BCAS4: variants seen among roughly 807,000 people sequenced by gnomAD.
The protein encoded by BCAS4 is breast carcinoma amplified sequence 4, also known as breast carcinoma-amplified sequence 4.
BCAS4 carries 9 observed loss-of-function variants against 15.7 expected under a neutral mutation model. That is an observed-to-expected ratio of 0.57 (90% CI 0.34 to 1.00). The LOEUF (loss-of-function observed/expected upper bound fraction) is 1.00. BCAS4 is among the 50% of genes least tolerant of loss of function. The probability of loss-of-function intolerance (pLI) is 0.02; values close to 1 mark genes in which losing one functional copy is unlikely to be tolerated. For missense variants in BCAS4, 225 were observed against 239.1 expected (o/e 0.94, Z 0.39); for synonymous variants, 101 against 99.5 (o/e 1.02, Z -0.09).
At chr20:50,852,366 T>TTGTGTGTG (rs34560943) in intron 4 of BCAS4, among the ~76,000 whole-genome samples, 7 of 150,114 alleles carry the variant, frequency 4.7e-5, no homozygotes, top group South Asian at 2.1e-4. Flanking sequence ...TTTTGTGGCT[T>TTGTGTGTG]TGTGTGTGTG....
chr20:50,859,935 T>A (rs1224050150), intron 4 of BCAS4, among the ~76,000 whole-genome samples: 1 of 152,056 alleles, frequency 6.6e-6, no homozygotes, highest in African/African-American at 2.4e-5. Flanking sequence ...AACCCAGGAT[T>A]TCGAGACCAG....
At chr20:50,802,123 G>A (rs1257154802) in intron 1 of BCAS4, among the ~76,000 whole-genome samples, 2 of 152,070 alleles carry the variant, frequency 1.3e-5, no homozygotes, top group African/African-American at 4.8e-5. Context: ...TCGCTTGAGT[G>A]CAGAAGTTTG....
chr20:50,821,637 C>A (rs982453908), intron 2 of BCAS4, among the ~76,000 whole-genome samples: 2 of 152,212 alleles, frequency 1.3e-5, no homozygotes, highest in Admixed American at 1.3e-4. Flanking sequence ...AGGTCCCTGC[C>A]TCGGTCTTCA....
intron 1 of BCAS4, among the ~76,000 whole-genome samples, chr20:50,805,596 T>A (rs2087979436): frequency 2.0e-5 from 3 of 152,156 alleles, no homozygotes; most frequent in Admixed American, 2.0e-4. Flanking sequence ...CCCTGTTGTC[T>A]CCCTGACCTG....
chr20:50,822,745 C>T (rs1031380711), intron 2 of BCAS4, among the ~76,000 whole-genome samples: 7 of 151,558 alleles, frequency 4.6e-5, no homozygotes, highest in African/African-American at 9.7e-5. Context: ...AAGCGATTCT[C>T]GTGCCCCAGC....
In BCAS4 at chr20:50,795,129, G is replaced by A; in HGVS notation, c.46G>A (p.Ala16Thr). ...TCAGCCGGAGCCCATGCGCAGCGGG[G>A]CGCGCGAGCTCGCGCTCTTCCTGAC... ...ADQPEPMRSGARELALFLTPE... is the reference protein window; with the variant it reads ...ADQPEPMRSGTRELALFLTPE... Residue 16 changes from alanine (A) to threonine (T), a missense_variant, in exon 1 of 5, where the codon GCG becomes ACG. Ala to Thr is a moderately conservative substitution (Grantham distance 58). Transcript: ENST00000371608. 1 of 1,483,500 alleles carries A rather than the reference G, an allele frequency of 6.7e-7. No homozygotes were observed. 91.9% of individuals were successfully genotyped at this position (1,483,500 alleles called of 1,614,324 possible).
intron 3 of BCAS4, among the ~76,000 whole-genome samples, chr20:50,835,117 C>T (rs549293029): frequency 8.5e-5 from 13 of 152,102 alleles, no homozygotes; most frequent in South Asian, 6.2e-4. Context: ...TATGGAAACT[C>T]GTTTTAGGAA....
intron 1 of BCAS4, among the ~76,000 whole-genome samples, chr20:50,800,723 G>A (rs112867105): frequency 0.14 from 20,938 of 151,842 alleles, 1,536 homozygotes; most frequent in South Asian, 0.16. Flanking sequence ...TACCACGCCC[G>A]GCTAATTTTT....
chr20:50,861,717 G>A (rs1291222766), intron 4 of BCAS4, among the ~76,000 whole-genome samples: 3 of 151,920 alleles, frequency 2.0e-5, no homozygotes, highest in Non-Finnish European at 4.4e-5. Context: ...CCTTTCCCCA[G>A]CCTGGCCGCT....
rs1335926784 is a variant in BCAS4, at chr20:50,851,123, C to A, written c.399+9223C>A. On this transcript the variant is annotated intron_variant, in intron 4 of 4. Transcript: ENST00000371608. The surrounding 1 kb of genome is among the most constrained non-coding windows in gnomAD (Gnocchi z 4.3). The stretch of plus-strand genomic sequence containing the variant: ...CAGAATCCCCCTGCAGGAGGTGACT[C>A]GGGGAGGGAGCCCGACAGCTCAGCT... Among the ~76,000 whole-genome samples the A allele has an allele frequency of 6.0e-3, 1 of 166 alleles. No individual in the cohort carries two copies. The highest frequency in any genetic ancestry group is 0.056 in the Admixed American group (1 of 18). 0.1% of individuals were successfully genotyped at this position (166 alleles called of 152,430 possible).
intron 2 of BCAS4, among the ~76,000 whole-genome samples, chr20:50,818,538 G>A (rs761136401): frequency 6.6e-6 from 1 of 152,122 alleles, no homozygotes; most frequent in South Asian, 2.1e-4. Context: ...TTTTTATTCC[G>A]CAGAGGAGCC....
downstream of BCAS4, chr20:50,877,245 A>C (rs909790577): frequency 3.3e-5 from 5 of 152,202 alleles, no homozygotes; most frequent in African/African-American, 1.2e-4. Context: ...GTTTTCTAGA[A>C]GGTTCCTCCT....
chr20:50,861,315 C>CAT (rs1979056214), intron 4 of BCAS4, among the ~76,000 whole-genome samples: 1 of 152,216 alleles, frequency 6.6e-6, no homozygotes, highest in Admixed American at 6.5e-5. Flanking sequence ...GACTAGGAAG[C>CAT]AGGCTCGGGA....
intron 1 of BCAS4, among the ~76,000 whole-genome samples, chr20:50,816,279 G>A (rs1182294111): frequency 6.6e-6 from 1 of 152,172 alleles, no homozygotes; most frequent in African/African-American, 2.4e-5. Flanking sequence ...GCCCACCTTG[G>A]CCTCCCAAAG....
chr20:50,855,137 A>G (rs1403580669), intron 4 of BCAS4, among the ~76,000 whole-genome samples: 2 of 151,986 alleles, frequency 1.3e-5, no homozygotes, highest in African/African-American at 4.8e-5. Flanking sequence ...CCTCCATTCC[A>G]TCTTGACCAC....
intron 1 of BCAS4, among the ~76,000 whole-genome samples, chr20:50,796,391 C>T (rs1177049836): frequency 7.9e-6 from 1 of 126,842 alleles, no homozygotes; most frequent in Non-Finnish European, 1.6e-5. Flanking sequence ...CATAAAATAT[C>T]TTTCCATATA....
chr20:50,858,756 C>T (rs1355118961), intron 4 of BCAS4, among the ~76,000 whole-genome samples: 50 of 116,268 alleles, frequency 4.3e-4, no homozygotes, highest in Admixed American at 1.5e-3. Flanking sequence ...GTGAGACAGT[C>T]ACTCTTTCGC....
chr20:50,852,304 G>A (rs1385764939), intron 4 of BCAS4, among the ~76,000 whole-genome samples: 1 of 152,190 alleles, frequency 6.6e-6, no homozygotes, highest in African/African-American at 2.4e-5. Flanking sequence ...AGGGGAGGCG[G>A]GGCCCTCAGC....
intron 4 of BCAS4, among the ~76,000 whole-genome samples, chr20:50,848,989 C>G (rs73280619): frequency 6.6e-6 from 1 of 152,222 alleles, no homozygotes; most frequent in Non-Finnish European, 1.5e-5. Flanking sequence ...CAGGCATGTG[C>G]GGAAGTGAAA....
Sources: allele counts gnomAD v4.1 joint callset (sites outside exome capture counted in the v4.1 genomes callset), GRCh38; gene constraint gnomAD v4.1.1; non-coding constraint Gnocchi (gnomAD v3.1); transcripts MANE v1.5; gene names NCBI Gene and HGNC (gene_info 2026-07-23, HGNC 2026-07-21).